Variants in ADGRL2 observed in about 807,000 individuals in gnomAD.
ADGRL2 encodes the protein adhesion G protein-coupled receptor L2, also known as calcium-independent alpha-latrotoxin receptor 2.
ADGRL2 carries 44 observed loss-of-function variants against 157.4 expected under a neutral mutation model. The ratio of observed to expected loss-of-function variants is 0.28; its 90% CI spans 0.22 to 0.36. The LOEUF is 0.36. Ranked by LOEUF, ADGRL2 falls within the 10% of genes least tolerant of loss-of-function variation. The pLI, the probability that ADGRL2 is intolerant of heterozygous loss-of-function variation, is 1.00. For missense variants in ADGRL2, 1,510 were observed against 1,768.9 expected, an observed-to-expected ratio of 0.85 and a Z score of 2.63; for synonymous variants, 585 against 624.7, an observed-to-expected ratio of 0.94 and a Z score of 0.95.
chr1:81,819,487 A>T (rs892349762), intron 1 of ADGRL2, among the ~76,000 whole-genome samples: 1 of 152,180 alleles, frequency 6.6e-6, no homozygotes, highest in African/African-American at 2.4e-5. Context: ...TTGTAAAAAA[A>T]ATATATTTTT....
At chr1:81,508,280 A>T (rs566648849) in intron 2 of ADGRL2, among the ~76,000 whole-genome samples, 3 of 152,206 alleles carry the variant, frequency 2.0e-5, no homozygotes, top group Non-Finnish European at 4.4e-5. Flanking sequence ...TTCACTTTCT[A>T]TCTTACTGAT....
chr1:81,968,767 C>T (rs958813436), intron 14 of ADGRL2, among the ~76,000 whole-genome samples: 2 of 152,134 alleles, frequency 1.3e-5, no homozygotes, highest in African/African-American at 4.8e-5. Context: ...TACAAAACCC[C>T]AAGGAGAAAA....
At chr1:81,569,900 G>A (rs1213909331) in intron 2 of ADGRL2, among the ~76,000 whole-genome samples, 7 of 152,170 alleles carry the variant, frequency 4.6e-5, no homozygotes, top group Admixed American at 4.6e-4. Flanking sequence ...GGGGCTTGAA[G>A]GTATGCTTCT....
chr1:81,610,517 C>T (rs918595342), intron 3 of ADGRL2, among the ~76,000 whole-genome samples: 2 of 152,010 alleles, frequency 1.3e-5, no homozygotes, highest in Non-Finnish European at 2.9e-5. Context: ...CACTGAAGGC[C>T]ATGTTAAGAA....
chr1:81,942,252 G>C (rs953407685), intron 5 of ADGRL2, among the ~76,000 whole-genome samples: 3 of 151,780 alleles, frequency 2.0e-5, no homozygotes, highest in Non-Finnish European at 2.9e-5. Flanking sequence ...AGTCGGCGAG[G>C]GGGATCTGCC....
chr1:81,539,180 T>C (rs953280898), intron 2 of ADGRL2, among the ~76,000 whole-genome samples: 1 of 152,158 alleles, frequency 6.6e-6, no homozygotes, highest in Non-Finnish European at 1.5e-5. Context: ...AAAGTCATGA[T>C]AGATATAGAT....
chr1:81,779,194 A>T (rs573324488), intron 2 of ADGRL2, among the ~76,000 whole-genome samples: 6 of 152,202 alleles, frequency 3.9e-5, no homozygotes, highest in Non-Finnish European at 7.3e-5. Flanking sequence ...ACTACAGGAA[A>T]AAAAACAAAA....
chr1:81,654,017 C>T (rs1476986972), intron 3 of ADGRL2, among the ~76,000 whole-genome samples: 1 of 152,110 alleles, frequency 6.6e-6, no homozygotes, highest in Non-Finnish European at 1.5e-5. Context: ...GTGATCTGGG[C>T]TCACTGCAAC....
At chr1:81,583,465 C>T (rs2148552685) in intron 3 of ADGRL2, among the ~76,000 whole-genome samples, 1 of 152,044 alleles carries the variant, frequency 6.6e-6, no homozygotes, top group Admixed American at 6.6e-5. Context: ...AAGGTTCACT[C>T]TTTGAGATGA....
chr1:81,433,714 G>T (rs950595857), intron 1 of ADGRL2, among the ~76,000 whole-genome samples: 2 of 152,122 alleles, frequency 1.3e-5, no homozygotes, highest in Non-Finnish European at 2.9e-5. Context: ...GCATAATAAA[G>T]CACCCTGAAA....
intron 3 of ADGRL2, among the ~76,000 whole-genome samples, chr1:81,608,502 T>C (rs1248586918): frequency 6.6e-6 from 1 of 152,208 alleles, no homozygotes; most frequent in Non-Finnish European, 1.5e-5. Flanking sequence ...TTGGGAAATA[T>C]TGGATGAAAC....
At chr1:81,886,695 G>T (rs1374010598) in intron 2 of ADGRL2, among the ~76,000 whole-genome samples, 1 of 151,854 alleles carries the variant, frequency 6.6e-6, no homozygotes, top group Non-Finnish European at 1.5e-5. Flanking sequence ...AATATGATAG[G>T]CTTTTCAACC....
intron 1 of ADGRL2, among the ~76,000 whole-genome samples, chr1:81,418,332 C>A (rs753481712): frequency 6.6e-6 from 1 of 152,222 alleles, no homozygotes; most frequent in African/African-American, 2.4e-5. Flanking sequence ...GTGGCAAAAA[C>A]CCTCCACTTT....
chr1:81,915,556 A>T (rs537793587), intron 3 of ADGRL2, among the ~76,000 whole-genome samples: 9 of 152,322 alleles, frequency 5.9e-5, no homozygotes, highest in Non-Finnish European at 1.0e-4. Flanking sequence ...CCATAAGGAC[A>T]TTACATTAGT....
intron 1 of ADGRL2, among the ~76,000 whole-genome samples, chr1:81,826,078 T>TAA (rs765886201): frequency 1.3e-5 from 2 of 152,182 alleles, no homozygotes; most frequent in Non-Finnish European, 2.9e-5. Flanking sequence ...TACCCAAACT[T>TAA]AAGATGAATA....
At chr1:81,719,934 G>A (rs1410151768) in intron 1 of ADGRL2, among the ~76,000 whole-genome samples, 1 of 152,100 alleles carries the variant, frequency 6.6e-6, no homozygotes, top group Non-Finnish European at 1.5e-5. Flanking sequence ...TTTGTGGACT[G>A]TGTTAGAAAA....
chr1:81,958,583 A>C (rs1055929605), intron 11 of ADGRL2, among the ~76,000 whole-genome samples: 2 of 152,192 alleles, frequency 1.3e-5, no homozygotes, highest in Non-Finnish European at 2.9e-5. Context: ...ACTCCATAAA[A>C]TGATATAATT....
chr1:81,400,509 C>G (rs975622807), intron 1 of ADGRL2, among the ~76,000 whole-genome samples: 2 of 152,076 alleles, frequency 1.3e-5, no homozygotes, highest in African/African-American at 4.8e-5. Context: ...AGAAAGTGTG[C>G]TCTGGAGGTT....
chr1:81,542,304 C>G (rs148045265), intron 2 of ADGRL2, among the ~76,000 whole-genome samples: 1 of 152,120 alleles, frequency 6.6e-6, no homozygotes, highest in Non-Finnish European at 1.5e-5. Context: ...GCCTAACACT[C>G]GTGGCCATTA....
Sources: gnomAD v4.1 joint callset for allele counts (sites outside exome capture counted in the v4.1 genomes callset) on GRCh38, gnomAD v4.1.1 for gene constraint, MANE v1.5 for transcripts, NCBI Gene and HGNC (gene_info 2026-07-23, HGNC 2026-07-21) for gene names.